SAMMSON: variants seen among roughly 807,000 people sequenced by gnomAD.
SAMMSON encodes long intergenic non-protein coding RNA 1212.
At chr3:70,368,795 G>T (rs1192362278) in intron 9 of SAMMSON, among the ~76,000 whole-genome samples, 1 of 151,516 alleles carries the variant, frequency 6.6e-6, no homozygotes, top group East Asian at 1.9e-4. Context: ...TGAAATTTGG[G>T]TAGTTTGAGT....
intron 4 of SAMMSON, among the ~76,000 whole-genome samples, chr3:70,178,780 G>T (rs80316785): frequency 0.039 from 5,865 of 152,260 alleles, 170 homozygotes; most frequent in South Asian, 0.11. Context: ...AGGCCAAGGG[G>T]GAAGGAGCAC....
Position 70,125,478 on chromosome 3 carries a change from A to T in SAMMSON, n.507+53913A>T, listed in dbSNP as rs202015750. Reference sequence around the variant, plus strand: ...ATACATTCCGATGGCATTTCATCAGAGTCTTTTTTAATCTCTTCTGTGATG... The same window carrying T: ...ATACATTCCGATGGCATTTCATCAGTGTCTTTTTTAATCTCTTCTGTGATG... On this transcript the variant is annotated intron_variant and non_coding_transcript_variant, in intron 4 of 9. Coordinates refer to ENST00000642114, the Ensembl canonical transcript of SAMMSON. The T allele has an allele frequency of 1.1e-4, 82 of 777,432 alleles. 2 individuals carry two copies. In the East Asian group the frequency reaches 1.3e-3, roughly 12 times the overall value. The allele number at this position is 777,432 out of a possible 1,614,324, so 48.2% of individuals were successfully genotyped here.
chr3:70,189,150 A>G (rs1701112762), intron 4 of SAMMSON, among the ~76,000 whole-genome samples: 1 of 152,196 alleles, frequency 6.6e-6, no homozygotes, highest in Admixed American at 6.5e-5. Context: ...CCTCACCCCC[A>G]GGAGGAATCT....
At chr3:70,113,798 G>T (rs1055938594) in intron 4 of SAMMSON, among the ~76,000 whole-genome samples, 1 of 152,112 alleles carries the variant, frequency 6.6e-6, no homozygotes, top group Non-Finnish European at 1.5e-5. Context: ...GAGGTCTTGC[G>T]GGTGGGACCC....
chr3:70,321,827 T>A (rs2106717381), intron 7 of SAMMSON, among the ~76,000 whole-genome samples: 1 of 152,046 alleles, frequency 6.6e-6, no homozygotes, highest in South Asian at 2.1e-4. Flanking sequence ...AAAAATGACA[T>A]AAAATTAGAG....
intron 4 of SAMMSON, among the ~76,000 whole-genome samples, chr3:70,220,211 T>C (rs1474951860): frequency 6.6e-6 from 1 of 152,094 alleles, no homozygotes; most frequent in Non-Finnish European, 1.5e-5. Context: ...TCAGTTTGTC[T>C]TTTCTGTGTG....
chr3:70,228,663 T>C (rs1028525973), intron 4 of SAMMSON, among the ~76,000 whole-genome samples: 1 of 151,900 alleles, frequency 6.6e-6, no homozygotes, highest in African/African-American at 2.4e-5. Context: ...GGGCTAAATG[T>C]TAAAAATTGA....
chr3:70,324,184 T>TATC (rs201086961), intron 7 of SAMMSON, among the ~76,000 whole-genome samples: 2 of 102,326 alleles, frequency 2.0e-5, no homozygotes, highest in Non-Finnish European at 4.5e-5. Flanking sequence ...TCTATCTATC[T>TATC]ATCTATCTAT....
At chr3:70,324,062 C>A (rs1426813425) in intron 7 of SAMMSON, among the ~76,000 whole-genome samples, 1 of 152,096 alleles carries the variant, frequency 6.6e-6, no homozygotes, top group African/African-American at 2.4e-5. Flanking sequence ...GCCCCAGAAT[C>A]AGAAAGAAAG....
chr3:70,420,688 C>T (rs1235648722), intron 2 of SAMMSON, among the ~76,000 whole-genome samples: 1 of 152,112 alleles, frequency 6.6e-6, no homozygotes, highest in East Asian at 1.9e-4. Context: ...TTTGAATGCT[C>T]TAGATTCAGA....
intron 4 of SAMMSON, among the ~76,000 whole-genome samples, chr3:70,169,817 C>T (rs1226670310): frequency 6.6e-6 from 1 of 151,560 alleles, no homozygotes; most frequent in African/African-American, 2.4e-5. Context: ...AACAGAGCAC[C>T]GAGGGTCTGT....
intron 9 of SAMMSON, among the ~76,000 whole-genome samples, chr3:70,387,724 G>T (rs559472997): frequency 2.0e-5 from 3 of 152,122 alleles, no homozygotes; most frequent in Non-Finnish European, 2.9e-5. Context: ...GTTTTATCAA[G>T]GATTAAGTTT....
intron 4 of SAMMSON, among the ~76,000 whole-genome samples, chr3:70,231,622 A>G (rs999054919): frequency 2.0e-5 from 3 of 152,174 alleles, no homozygotes; most frequent in African/African-American, 2.4e-5. Flanking sequence ...TTAGTTACCA[A>G]TTAAGGCTGA....
intron 4 of SAMMSON, among the ~76,000 whole-genome samples, chr3:70,183,031 T>TA (rs1366811967): frequency 2.0e-5 from 3 of 152,208 alleles, no homozygotes; most frequent in Non-Finnish European, 2.9e-5. Context: ...AGTAGGCATT[T>TA]GGGTCCTCCT....
At chr3:70,005,658 G>A (rs562909289) in intron 1 of SAMMSON, among the ~76,000 whole-genome samples, 1 of 152,280 alleles carries the variant, frequency 6.6e-6, no homozygotes, top group African/African-American at 2.4e-5. Flanking sequence ...ACCTCTTGAT[G>A]GTTGGAATGA....
At chr3:70,170,337 A>T (rs927166107) in intron 4 of SAMMSON, among the ~76,000 whole-genome samples, 1 of 151,904 alleles carries the variant, frequency 6.6e-6, no homozygotes, top group Non-Finnish European at 1.5e-5. Context: ...AAAATGACAA[A>T]TGTTCAAAAA....
intron 3 of SAMMSON, among the ~76,000 whole-genome samples, chr3:70,022,905 A>G (rs1438539059): frequency 6.6e-6 from 1 of 152,214 alleles, no homozygotes; most frequent in African/African-American, 2.4e-5. Context: ...GATGAAGGAA[A>G]GATTGAGTGG....
chr3:70,148,654 C>T (rs567785200), intron 4 of SAMMSON, among the ~76,000 whole-genome samples: 1 of 152,088 alleles, frequency 6.6e-6, no homozygotes, highest in Admixed American at 6.6e-5. Flanking sequence ...AATCAAGAGA[C>T]AGAGAAGGGA....
intron 4 of SAMMSON, among the ~76,000 whole-genome samples, chr3:70,242,395 T>A (rs939764147): frequency 6.6e-6 from 1 of 151,052 alleles, no homozygotes; most frequent in Non-Finnish European, 1.5e-5. Context: ...GGAAAATTTC[T>A]TTTTGTAGAA....
Sources: allele counts gnomAD v4.1 joint callset (sites outside exome capture counted in the v4.1 genomes callset), GRCh38; gene constraint gnomAD v4.1.1; transcripts MANE v1.5; gene names NCBI Gene and HGNC (gene_info 2026-07-23, HGNC 2026-07-21).